Variants in FRAS1 observed in about 807,000 individuals in gnomAD.
FRAS1 encodes Fraser extracellular matrix complex subunit 1.
FRAS1 carries 290 observed loss-of-function variants against 435.2 expected under a neutral mutation model. The observed-to-expected ratio is 0.67, with a 90% CI of 0.61 to 0.73. The LOEUF (loss-of-function observed/expected upper bound fraction) is 0.73, where lower values mean the gene tolerates loss of function less well. Ranked by LOEUF, FRAS1 falls within the 30% of genes least tolerant of loss-of-function variation. The pLI is 0.00. For missense variants in FRAS1, 4,860 were observed against 5,001.5 expected, an observed-to-expected ratio of 0.97 and a Z score of 0.85; for synonymous variants, 1,800 against 1,851.0, an observed-to-expected ratio of 0.97 and a Z score of 0.71.
chr4:78,447,722 A>C (rs73831324), intron 43 of FRAS1, among the ~76,000 whole-genome samples: 297 of 152,292 alleles, frequency 2.0e-3, no homozygotes, highest in African/African-American at 6.8e-3. Context: ...ACTTTGCAAA[A>C]GGGAAAAATA....
chr4:78,256,051 A>C (rs77164943), intron 6 of FRAS1, among the ~76,000 whole-genome samples: 1 of 152,226 alleles, frequency 6.6e-6, no homozygotes, highest in African/African-American at 2.4e-5. Flanking sequence ...GCCTCCAGTC[A>C]AAAAATAGCT....
intron 20 of FRAS1, among the ~76,000 whole-genome samples, chr4:78,359,210 C>T (rs373360220): frequency 6.6e-6 from 1 of 152,158 alleles, no homozygotes; most frequent in East Asian, 1.9e-4. Flanking sequence ...AGCCTGCTCA[C>T]AGGTGGTGCC....
At chr4:78,093,364 TA>T (rs1221135656) in intron 2 of FRAS1, among the ~76,000 whole-genome samples, 1 of 152,232 alleles carries the variant, frequency 6.6e-6, no homozygotes, top group African/African-American at 2.4e-5. Context: ...TAGAAAGTGC[TA>T]AGTATAAATT....
rs562716006 is a variant in FRAS1, at chr4:78,516,068, T to C, written c.10389+55T>C. On this transcript the variant is annotated intron_variant, in intron 66 of 73. Coordinates refer to ENST00000512123, the MANE Select transcript of FRAS1 (RefSeq NM_025074.7). ...CTGCATATGGGTGCCATGGTCAACCTTGTTTGTTCCTGAAGCACTTCAATT... is the reference window on the plus strand; with the variant it reads ...CTGCATATGGGTGCCATGGTCAACCCTGTTTGTTCCTGAAGCACTTCAATT... 751 of 1,401,924 alleles carry C rather than the reference T, an allele frequency of 5.4e-4. 5 individuals carry two copies. In the African/African-American group the frequency reaches 9.6e-3, roughly 18 times the overall value. 86.8% of individuals were successfully genotyped at this position (1,401,924 alleles called of 1,614,324 possible). A position where few individuals can be genotyped will look rare whatever the true frequency, so the allele number is the denominator to read the frequency against.
rs569263845 is a variant in FRAS1, at chr4:78,388,218, G to A, written c.3975+517G>A. On this transcript the variant is annotated intron_variant, in intron 29 of 73. Coordinates refer to ENST00000512123, the MANE Select transcript of FRAS1 (RefSeq NM_025074.7). Reference sequence around the variant, plus strand: ...CGGGTGCCTGTAGTCCTAGCTACTCGGGAGGCTGAGGCAGGAGAATGGCGT... The same window carrying A: ...CGGGTGCCTGTAGTCCTAGCTACTCAGGAGGCTGAGGCAGGAGAATGGCGT... 9.2e-5 allele frequency among the ~76,000 whole-genome samples: 14 copies of A among 151,946 alleles called. No individual in the cohort carries two copies. In the South Asian group the frequency reaches 1.7e-3, roughly 18 times the overall value.
chr4:78,455,760 C>A lies in FRAS1; in HGVS notation c.6763+3406C>A, dbSNP rs184917825. On this transcript the variant is annotated intron_variant, in intron 47 of 73. Transcript: ENST00000512123. Reference sequence around the variant, plus strand: ...CCAAAGAGAGTCCAGTCCTTGTATGCGCTGTCTTTTCAAGATTGAGCAGGC... The same window carrying A: ...CCAAAGAGAGTCCAGTCCTTGTATGAGCTGTCTTTTCAAGATTGAGCAGGC... Among the ~76,000 whole-genome samples, 4 of 152,242 alleles carry A rather than the reference C, an allele frequency of 2.6e-5. No homozygotes were observed. The East Asian group carries it at 7.7e-4, about 29-fold the overall frequency.
chr4:78,497,840 A>C (rs1720550257), intron 60 of FRAS1, among the ~76,000 whole-genome samples: 1 of 152,214 alleles, frequency 6.6e-6, no homozygotes, highest in Non-Finnish European at 1.5e-5. Context: ...ATTGGATAAA[A>C]TAAGAAACTC....
At chr4:78,400,922 T>C (rs773391590) in intron 30 of FRAS1, 35 bp downstream of exon 30, 3 of 1,607,872 alleles carry the variant, frequency 1.9e-6, no homozygotes, top group Non-Finnish European at 2.6e-6. Context: ...GTTTCATCGT[T>C]GCATTCAGCA....
chr4:78,476,988 TTA>T (rs1560749408), intron 54 of FRAS1, among the ~76,000 whole-genome samples: 2 of 22,024 alleles, frequency 9.1e-5, no homozygotes, highest in Admixed American at 7.3e-4. Context: ...TTCTTTCTTT[TTA>T]AAAAAAAAAA....
chr4:78,298,297 GTA>G (rs34995624), intron 14 of FRAS1, among the ~76,000 whole-genome samples: 2,045 of 148,362 alleles, frequency 0.014, 52 homozygotes, highest in African/African-American at 0.047. Context: ...ATTATAAGGT[GTA>G]TATATATATA....
intron 2 of FRAS1, among the ~76,000 whole-genome samples, chr4:78,206,809 G>GAC (rs1723279844): frequency 1.3e-5 from 2 of 152,336 alleles, no homozygotes; most frequent in African/African-American, 4.8e-5. Context: ...TTGGCCTCCT[G>GAC]ACTTCCAGCC....
At chr4:78,216,477 A>G (rs993188151) in intron 2 of FRAS1, among the ~76,000 whole-genome samples, 39 of 152,342 alleles carry the variant, frequency 2.6e-4, no homozygotes, top group African/African-American at 9.1e-4. Context: ...TGAATGAGCC[A>G]ACTAAGAATA....
At chr4:78,253,352 T>C (rs970781564) in intron 5 of FRAS1, among the ~76,000 whole-genome samples, 1 of 152,224 alleles carries the variant, frequency 6.6e-6, no homozygotes, top group Non-Finnish European at 1.5e-5. Flanking sequence ...TTTCATATTG[T>C]TCAAACACAC....
At chr4:78,191,534 C>CTTTTTTTTTTTTTT (rs35774956) in intron 2 of FRAS1, among the ~76,000 whole-genome samples, 1 of 142,822 alleles carries the variant, frequency 7.0e-6, no homozygotes, top group African/African-American at 2.6e-5. Flanking sequence ...GTATTATTTT[C>CTTTTTTTTTTTTTT]TTTTTTTTTT....
chr4:78,090,271 T>A (rs146792007), intron 2 of FRAS1, among the ~76,000 whole-genome samples: 9 of 152,318 alleles, frequency 5.9e-5, no homozygotes, highest in Non-Finnish European at 8.8e-5. Context: ...AGGGAAGCTA[T>A]TGCACATGGT....
chr4:78,511,510 AGGCAGGT>A lies in FRAS1; in HGVS notation c.10013+7_10013+13del, dbSNP rs780682584. On this transcript the variant is annotated splice_donor_5th_base_variant and intron_variant, in intron 64 of 73. Transcript: ENST00000512123. ...AACATAAGGAGCATCCGAACAGGTCAGGCAGGTGGTGCCTTCCACCACACATAGATTG... is the reference window on the plus strand; with the variant it reads ...AACATAAGGAGCATCCGAACAGGTCAGGTGCCTTCCACCACACATAGATTG... The A allele has an allele frequency of 1.9e-6, 3 of 1,607,986 alleles. No homozygotes were observed. The South Asian group carries it at 3.3e-5, about 18-fold the overall frequency.
intron 2 of FRAS1, among the ~76,000 whole-genome samples, chr4:78,146,376 G>A (rs113903546): frequency 4.7e-4 from 72 of 151,998 alleles, no homozygotes; most frequent in African/African-American, 1.7e-3. Context: ...TTCATAGATG[G>A]CATAGTCCTT....
intron 23 of FRAS1, among the ~76,000 whole-genome samples, chr4:78,371,519 T>TCATTTTATTCTTCA (rs776876196): frequency 2.7e-4 from 41 of 152,252 alleles, no homozygotes; most frequent in Non-Finnish European, 5.0e-4. Flanking sequence ...ATTCATTATT[T>TCATTTTATTCTTCA]CATTTTATTC....
intron 59 of FRAS1, among the ~76,000 whole-genome samples, chr4:78,493,030 G>A (rs1344154823): frequency 6.6e-6 from 1 of 152,194 alleles, no homozygotes; most frequent in African/African-American, 2.4e-5. Context: ...AGACATTTAT[G>A]CAGCCAACAA....
Sources: allele counts gnomAD v4.1 joint callset (sites outside exome capture counted in the v4.1 genomes callset), GRCh38; gene constraint gnomAD v4.1.1; transcripts MANE v1.5; gene names NCBI Gene and HGNC (gene_info 2026-07-23, HGNC 2026-07-21).